The following DCAF12 variants were observed in gnomAD, a reference collection of about 807,000 sequenced individuals.
The protein encoded by DCAF12 is DDB1- and CUL4-associated factor 12.
In DCAF12, 28 loss-of-function variants were observed where a neutral mutation model predicts 52.8. The ratio of observed to expected loss-of-function variants is 0.53; its 90% confidence interval spans 0.39 to 0.73. DCAF12 has a LOEUF of 0.73. Ranked by LOEUF, DCAF12 falls within the 30% of genes least tolerant of loss-of-function variation. The pLI is 0.00. For synonymous variants in DCAF12, 196 were observed against 215.5 expected (o/e 0.91, Z 0.79); for missense variants, 425 against 552.2 (o/e 0.77, Z 2.31).
chr9:34,107,264 C>T, intron 3 of DCAF12, 95 bp downstream of exon 3: 4 of 1,245,844 alleles, frequency 3.2e-6, no homozygotes, highest in Non-Finnish European at 4.7e-6. Flanking sequence ...GAGTCCAGTC[C>T]CCACTCTGGG....
chr9:34,104,941 C>T (rs1184287688), intron 4 of DCAF12, among the ~76,000 whole-genome samples: 2 of 151,364 alleles, frequency 1.3e-5, no homozygotes, highest in African/African-American at 4.9e-5. Flanking sequence ...GAAAGAATTT[C>T]ACAAAGAATT....
rs1454239259 is a variant in DCAF12, at chr9:34,126,524, C to A, written c.-93G>T. On this transcript the variant is annotated 5_prime_UTR_variant, in exon 1 of 9. Coordinates refer to ENST00000361264, the MANE Select transcript of DCAF12 (RefSeq NM_015397.4). ...GGTCATATACTGGGCCCCGGGGCCG[C>A]GCACCTTAGTGCGCCCGGCCCGGAA... 7.1e-7 allele frequency: 1 copy of A among 1,412,760 alleles called. No homozygotes were observed. Among genetic ancestry groups the A allele is most frequent in the Admixed American group, 2.6e-5 (1 of 38,076 alleles). 87.5% of individuals were successfully genotyped at this position (1,412,760 alleles called of 1,614,324 possible). A position where few individuals can be genotyped will look rare whatever the true frequency, so the allele number is the denominator to read the frequency against.
chr9:34,089,326 AT>A, intron 8 of DCAF12, 85 bp downstream of exon 8: 1 of 1,384,388 alleles, frequency 7.2e-7, no homozygotes, highest in Admixed American at 2.2e-5. Flanking sequence ...GTATGAGTAG[AT>A]GGTGTGTCAG....
rs1241209256 is a variant in DCAF12 at position 34,126,538 on chromosome 9, C to T, written c.-107G>A. On this transcript the variant is annotated 5_prime_UTR_variant, in exon 1 of 9. Coordinates refer to ENST00000361264, the MANE Select transcript of DCAF12 (RefSeq NM_015397.4). ...CCCCGGGGCCGCGCACCTTAGTGCG[C>T]CCGGCCCGGAAAATGGCCCGGACCC... is the stretch of plus-strand genomic sequence containing the variant. 3.9e-6 allele frequency: 5 copies of T among 1,280,098 alleles called. No individual in the cohort carries two copies. Among genetic ancestry groups the T allele is most frequent in the Non-Finnish European group, 1.0e-6 (1 of 957,924 alleles). 79.3% of individuals were successfully genotyped at this position (1,280,098 alleles called of 1,614,324 possible).
intron 1 of DCAF12, chr9:34,125,497 G>A: frequency 3.2e-6 from 2 of 625,472 alleles, no homozygotes; most frequent in Non-Finnish European, 5.9e-6. Flanking sequence ...TGAATTACAA[G>A]GGCTGAAAGT....
chr9:34,094,786 T>C (rs2131427265), intron 6 of DCAF12, among the ~76,000 whole-genome samples: 1 of 152,168 alleles, frequency 6.6e-6, no homozygotes, highest in South Asian at 2.1e-4. Flanking sequence ...CACCTTGGCC[T>C]CCCAAAGTGC....
At chr9:34,125,870 T>A (rs988148977) in intron 1 of DCAF12, 1 of 291,508 alleles carries the variant, frequency 3.4e-6, no homozygotes, top group African/African-American at 2.2e-5. Flanking sequence ...GGGGGCGGCA[T>A]AGAGATGATA....
In DCAF12 at chr9:34,126,426, G is replaced by A; in HGVS notation, c.6C>T (p.Ala2=). The part of the protein sequence containing the change: M[A]RKVVSRKRKA... ...TCCGCTTCCTGCTAACTACTTTCCG[G>A]GCCATAGTGGGCAGCGCCGCCGCGG... is the stretch of plus-strand genomic sequence containing the variant. The change falls in exon 1 of 9, where the codon GCC becomes GCT. Residue 2 remains alanine (A), a synonymous_variant. Transcript: ENST00000361264. 3.1e-6 allele frequency: 5 copies of A among 1,606,954 alleles called. No homozygotes were observed. Among genetic ancestry groups the A allele is most frequent in the South Asian group, 1.1e-5 (1 of 90,880 alleles).
rs192129449 is a variant in DCAF12 at position 34,116,410 on chromosome 9, C to A, written c.333+8613G>T. ...ATCTGGCTGGGCACAGTGGCTCACA[C>A]CTGTAATCCCAGCACTTTGGGCGGT... On this transcript the variant is annotated intron_variant, in intron 2 of 8. Coordinates refer to ENST00000361264, the MANE Select transcript of DCAF12 (RefSeq NM_015397.4). 2.7e-4 allele frequency among the ~76,000 whole-genome samples: 41 copies of A among 152,112 alleles called. No individual in the cohort carries two copies. In the East Asian group the frequency reaches 7.1e-3, roughly 27 times the overall value.
chr9:34,112,882 G>C (rs1829026768), intron 2 of DCAF12, among the ~76,000 whole-genome samples: 1 of 152,108 alleles, frequency 6.6e-6, no homozygotes, highest in Non-Finnish European at 1.5e-5. Flanking sequence ...TGGGCAATAA[G>C]AGCGAAACTC....
chr9:34,114,877 G>A (rs1829060642), intron 2 of DCAF12, among the ~76,000 whole-genome samples: 1 of 152,068 alleles, frequency 6.6e-6, no homozygotes, highest in Admixed American at 6.6e-5. Context: ...TGAAGCATGA[G>A]GATCTCATGG....
intron 2 of DCAF12, among the ~76,000 whole-genome samples, chr9:34,111,748 T>C (rs1829006392): frequency 6.6e-6 from 1 of 152,166 alleles, no homozygotes; most frequent in Admixed American, 6.6e-5. Context: ...TCAGATTCTT[T>C]AGGGAATATG....
At chr9:34,117,158 T>G (rs1164946755) in intron 2 of DCAF12, among the ~76,000 whole-genome samples, 1 of 152,164 alleles carries the variant, frequency 6.6e-6, no homozygotes, top group Non-Finnish European at 1.5e-5. Flanking sequence ...CATGACTTCG[T>G]GGAAGGAGGG....
intron 2 of DCAF12, among the ~76,000 whole-genome samples, chr9:34,121,141 G>T (rs141445025): frequency 1.3e-5 from 2 of 152,036 alleles, no homozygotes; most frequent in African/African-American, 4.8e-5. Context: ...GCAACAGAGC[G>T]AGACTCCATC....
In DCAF12 at chr9:34,098,312, AC is replaced by A. The variant is rs1222411597; in HGVS notation, c.795+11del. ...AGGAATACACGTCAGGGATCCCTAC[AC>A]AAGTTCATACCTTGTTCTTGTTGTT... is the stretch of plus-strand genomic sequence containing the variant. On this transcript the variant is annotated intron_variant, in intron 5 of 8. Coordinates refer to ENST00000361264, the MANE Select transcript of DCAF12 (RefSeq NM_015397.4). 6.2e-7 allele frequency: 1 copy of A among 1,612,124 alleles called. No individual in the cohort carries two copies. The highest frequency in any genetic ancestry group is 1.3e-5 in the African/African-American group (1 of 74,984).
intron 4 of DCAF12, among the ~76,000 whole-genome samples, chr9:34,100,237 C>T (rs1476566512): frequency 1.5e-5 from 2 of 135,534 alleles, no homozygotes; most frequent in African/African-American, 2.8e-5. Flanking sequence ...CTCACACTGT[C>T]GCCCAGGCTG....
Position 34,088,447 on chromosome 9 carries a change from T to TAAAC in DCAF12, c.1261_1264dup (p.Tyr422CysfsTer77), listed in dbSNP as rs1329679540. The TAAAC allele has an allele frequency of 6.2e-7, 1 of 1,614,188 alleles. No individual in the cohort carries two copies. Among genetic ancestry groups the TAAAC allele is most frequent in the Non-Finnish European group, 8.5e-7 (1 of 1,180,026 alleles). ...TCCAGACGAGTCGTAGCAGTGGGTG[T>TAAAC]AAACAGCATTGGGGAAGAAGTCAAT... On this transcript the variant is annotated frameshift_variant, in exon 9 of 9. Coordinates refer to ENST00000361264, the MANE Select transcript of DCAF12 (RefSeq NM_015397.4). LOFTEE classifies it high-confidence loss of function.
At chr9:34,096,473 C>T (rs541685034) in intron 6 of DCAF12, among the ~76,000 whole-genome samples, 48 of 152,242 alleles carry the variant, frequency 3.2e-4, no homozygotes, top group East Asian at 1.2e-3. Context: ...TGTTGGCAGA[C>T]GCCTGTAATC....
At position 34,126,489 on chromosome 9, in the gene DCAF12, C is replaced by T; in HGVS notation, c.-58G>A. ...ATGGGGCGGGGGAAGCGAAGGATAG[C>T]AGGACGGCGGGTCATATACTGGGCC... On this transcript the variant is annotated 5_prime_UTR_variant, in exon 1 of 9. Coordinates refer to ENST00000361264, the MANE Select transcript of DCAF12 (RefSeq NM_015397.4). The T allele has an allele frequency of 6.4e-7, 1 of 1,568,146 alleles. No homozygotes were observed. The highest frequency in any genetic ancestry group is 8.6e-7 in the Non-Finnish European group (1 of 1,163,392).
Sources: allele counts gnomAD v4.1 joint callset (sites outside exome capture counted in the v4.1 genomes callset), GRCh38; gene constraint gnomAD v4.1.1; transcripts MANE v1.5; gene names NCBI Gene and HGNC (gene_info 2026-07-23, HGNC 2026-07-21).